FUT8: variants seen among roughly 807,000 people sequenced by gnomAD.
FUT8 encodes the protein fucosyltransferase 8.
Under a neutral mutation model 71.3 loss-of-function variants are expected in FUT8, and 29 were observed. That is an observed-to-expected ratio of 0.41 (90% CI 0.30 to 0.55). The LOEUF (loss-of-function observed/expected upper bound fraction) is 0.55. FUT8 is among the 20% of genes least tolerant of loss of function. The pLI is 0.34. For missense variants in FUT8, 544 were observed against 702.1 expected, an observed-to-expected ratio of 0.77 and a Z score of 2.55; for synonymous variants, 254 against 239.3, an observed-to-expected ratio of 1.06 and a Z score of -0.57.
intron 2 of FUT8, among the ~76,000 whole-genome samples, chr14:65,519,279 A>G (rs1234953971): frequency 6.6e-6 from 1 of 152,250 alleles, no homozygotes; most frequent in Non-Finnish European, 1.5e-5. Flanking sequence ...GGTAATACAT[A>G]GAATGTAGTA....
At chr14:65,679,767 G>T (rs1453122779) in intron 7 of FUT8, among the ~76,000 whole-genome samples, 2 of 152,206 alleles carry the variant, frequency 1.3e-5, no homozygotes, top group Non-Finnish European at 2.9e-5. Context: ...CTGGGGGATG[G>T]TGGCAAAGCT....
At chr14:65,425,356 C>G (rs962044365) in intron 1 of FUT8, among the ~76,000 whole-genome samples, 8 of 151,360 alleles carry the variant, frequency 5.3e-5, no homozygotes, top group Non-Finnish European at 1.0e-4. Flanking sequence ...TTAGTAGAGA[C>G]AGGGTTTCTC....
chr14:65,690,450 T>A (rs1023032425), intron 7 of FUT8, among the ~76,000 whole-genome samples: 2 of 152,222 alleles, frequency 1.3e-5, no homozygotes, highest in African/African-American at 2.4e-5. Flanking sequence ...GTGATTGTGA[T>A]GAATTTATAT....
At chr14:65,389,162 T>C in the FUT8 span, among the ~76,000 whole-genome samples, 10 of 149,824 alleles carry the variant, frequency 6.7e-5, no homozygotes, top group Non-Finnish European at 4.4e-5. Flanking sequence ...CCTGACATAC[T>C]ATATATATAC....
At chr14:65,738,563 A>G (rs915768842) in intron 10 of FUT8, among the ~76,000 whole-genome samples, 1 of 152,106 alleles carries the variant, frequency 6.6e-6, no homozygotes, top group Non-Finnish European at 1.5e-5. Flanking sequence ...ACATGTAGCC[A>G]ACCACTGCTT....
intron 2 of FUT8, among the ~76,000 whole-genome samples, chr14:65,474,456 A>AAAAAAAAAAAAAAAAAAAAAAAC (rs1169769207): frequency 6.8e-6 from 1 of 147,898 alleles, no homozygotes; most frequent in East Asian, 2.0e-4. Flanking sequence ...AAAAAAAAAA[A>AAAAAAAAAAAAAAAAAAAAAAAC]AGCCAGGCGT....
chr14:65,446,991 A>G (rs75909280), intron 1 of FUT8, among the ~76,000 whole-genome samples: 60 of 152,238 alleles, frequency 3.9e-4, no homozygotes, highest in African/African-American at 1.4e-3. Flanking sequence ...CTTTAAATAA[A>G]CATTCTGCCC....
At chr14:65,486,240 C>T (rs764108420) in intron 2 of FUT8, among the ~76,000 whole-genome samples, 6 of 152,040 alleles carry the variant, frequency 3.9e-5, no homozygotes, top group African/African-American at 9.7e-5. Flanking sequence ...ATAATACCTA[C>T]GTTTTAAAAG....
chr14:65,511,848 C>G (rs1053774484), intron 2 of FUT8, among the ~76,000 whole-genome samples: 10 of 152,108 alleles, frequency 6.6e-5, no homozygotes, highest in African/African-American at 2.4e-4. Context: ...TAAATCCATT[C>G]AGCTATCCCG....
chr14:65,687,233 G>A (rs1365341597), intron 7 of FUT8, among the ~76,000 whole-genome samples: 1 of 151,964 alleles, frequency 6.6e-6, no homozygotes, highest in Non-Finnish European at 1.5e-5. Flanking sequence ...CAGTTACTAG[G>A]ATATCATCCT....
At chr14:65,625,280 C>T (rs1038262575) in intron 5 of FUT8, among the ~76,000 whole-genome samples, 1 of 151,788 alleles carries the variant, frequency 6.6e-6, no homozygotes, top group Non-Finnish European at 1.5e-5. Context: ...TTAGCCGAGC[C>T]CTATAGCCCT....
chr14:65,514,271 T>C (rs1882555806), intron 2 of FUT8, among the ~76,000 whole-genome samples: 4 of 151,310 alleles, frequency 2.6e-5, no homozygotes, highest in Admixed American at 2.6e-4. Flanking sequence ...TTCATGGCAG[T>C]TAATAAGAAA....
At chr14:65,671,045 CTAAATTTGT>C (rs1328384788) in intron 7 of FUT8, among the ~76,000 whole-genome samples, 2 of 152,130 alleles carry the variant, frequency 1.3e-5, no homozygotes, top group Non-Finnish European at 2.9e-5. Context: ...TAGGAAGATA[CTAAATTTGT>C]CATTCAGGAA....
At chr14:65,503,664 C>G (rs1052721424) in intron 2 of FUT8, among the ~76,000 whole-genome samples, 13 of 152,152 alleles carry the variant, frequency 8.5e-5, no homozygotes, top group Non-Finnish European at 1.8e-4. Flanking sequence ...CTTCCTGGAT[C>G]TTTCCTTTTG....
the FUT8 span, among the ~76,000 whole-genome samples, chr14:65,404,496 A>C: frequency 7.0e-6 from 1 of 142,944 alleles, no homozygotes; most frequent in Middle Eastern, 4.0e-3. Flanking sequence ...TTTCTTTTTG[A>C]GACAGAGTCT....
At chr14:65,703,566 C>T (rs1894418995) in intron 7 of FUT8, among the ~76,000 whole-genome samples, 1 of 152,180 alleles carries the variant, frequency 6.6e-6, no homozygotes. Flanking sequence ...TATGTCAGAT[C>T]ATCAGTAGCA....
intron 2 of FUT8, among the ~76,000 whole-genome samples, chr14:65,498,185 G>A (rs750832555): frequency 6.6e-6 from 1 of 152,038 alleles, no homozygotes; most frequent in Non-Finnish European, 1.5e-5. Context: ...AGTCTCACTC[G>A]ACTTTTTAGG....
At chr14:65,522,278 T>C (rs2139865718) in intron 2 of FUT8, among the ~76,000 whole-genome samples, 1 of 152,342 alleles carries the variant, frequency 6.6e-6, no homozygotes, top group East Asian at 1.9e-4. Context: ...ACAGATATTG[T>C]TATTCTCATT....
At chr14:65,475,140 C>T (rs368198860) in intron 2 of FUT8, among the ~76,000 whole-genome samples, 4 of 152,056 alleles carry the variant, frequency 2.6e-5, no homozygotes, top group Admixed American at 6.6e-5. Context: ...CCTCAACAAG[C>T]GTAGTTAACA....
Sources: allele counts gnomAD v4.1 joint callset (sites outside exome capture counted in the v4.1 genomes callset), GRCh38; gene constraint gnomAD v4.1.1; transcripts MANE v1.5; gene names NCBI Gene and HGNC (gene_info 2026-07-23, HGNC 2026-07-21).